KIAA1328: variants seen among roughly 807,000 people sequenced by gnomAD.
KIAA1328 encodes protein hinderin.
KIAA1328 carries 52 observed loss-of-function variants against 68.1 expected under a neutral mutation model. The observed-to-expected ratio is 0.76, with a 90% CI of 0.61 to 0.96. The LOEUF (loss-of-function observed/expected upper bound fraction) is 0.96. Ranked by LOEUF, KIAA1328 falls within the 40% of genes least tolerant of loss-of-function variation. KIAA1328 has a pLI of 0.00. For missense variants in KIAA1328, 641 were observed against 677.6 expected, an observed-to-expected ratio of 0.95 and a Z score of 0.60; for synonymous variants, 232 against 239.4, an observed-to-expected ratio of 0.97 and a Z score of 0.28.
intron 5 of KIAA1328, among the ~76,000 whole-genome samples, chr18:36,937,540 G>A (rs1169784635): frequency 1.3e-5 from 2 of 152,112 alleles, no homozygotes; most frequent in African/African-American, 4.8e-5. Flanking sequence ...CAAAAAGTGG[G>A]CAAAGGATAT....
chr18:36,972,356 G>A (rs2052259582), intron 6 of KIAA1328, among the ~76,000 whole-genome samples: 1 of 152,114 alleles, frequency 6.6e-6, no homozygotes, highest in South Asian at 2.1e-4. Context: ...TTCTTTAGGT[G>A]CAGTGTTTTT....
At chr18:37,142,529 A>C (rs1568459784) in intron 7 of KIAA1328, among the ~76,000 whole-genome samples, 1 of 152,058 alleles carries the variant, frequency 6.6e-6, no homozygotes, top group Non-Finnish European at 1.5e-5. Context: ...CTGTTTCTCC[A>C]GCACTATTTG....
At chr18:36,861,140 T>C (rs1467995238) in intron 4 of KIAA1328, among the ~76,000 whole-genome samples, 1 of 152,224 alleles carries the variant, frequency 6.6e-6, no homozygotes, top group East Asian at 1.9e-4. Flanking sequence ...AGTCTCCTCC[T>C]GTTTGTGGCA....
At chr18:37,192,145 TTGTG>T (rs10667132) in intron 9 of KIAA1328, among the ~76,000 whole-genome samples, 73 of 144,736 alleles carry the variant, frequency 5.0e-4, no homozygotes, top group East Asian at 1.8e-3. Flanking sequence ...AGTCAAGAAA[TTGTG>T]TGTGTGTGTG....
intron 5 of KIAA1328, among the ~76,000 whole-genome samples, chr18:36,910,380 T>C (rs2049392896): frequency 6.6e-6 from 1 of 152,198 alleles, no homozygotes; most frequent in Admixed American, 6.5e-5. Context: ...AAATAGGGAA[T>C]CCTTTCCCCA....
intron 7 of KIAA1328, among the ~76,000 whole-genome samples, chr18:37,130,398 T>TC (rs1010619067): frequency 1.3e-5 from 2 of 152,180 alleles, no homozygotes; most frequent in African/African-American, 4.8e-5. Context: ...GGCAGGCAGA[T>TC]CACGCGATCA....
chr18:36,866,592 TATATC>T (rs2047760946), intron 4 of KIAA1328, among the ~76,000 whole-genome samples: 1 of 152,244 alleles, frequency 6.6e-6, no homozygotes, highest in Non-Finnish European at 1.5e-5. Context: ...TTTTCCCAAT[TATATC>T]ATATAAAATA....
intron 7 of KIAA1328, among the ~76,000 whole-genome samples, chr18:37,093,074 A>G (rs2057309967): frequency 6.6e-6 from 1 of 152,184 alleles, no homozygotes; most frequent in Admixed American, 6.5e-5. Flanking sequence ...TGAAGACTAC[A>G]CTACTGCACT....
intron 6 of KIAA1328, 43 bp from the exon 7 acceptor site, chr18:37,066,847 T>G: frequency 6.8e-7 from 1 of 1,473,520 alleles, no homozygotes; most frequent in Non-Finnish European, 9.0e-7. Flanking sequence ...GAACTTGTTT[T>G]GTTGTGTTCT....
chr18:37,118,193 C>G (rs567188563), intron 7 of KIAA1328, among the ~76,000 whole-genome samples: 1 of 152,096 alleles, frequency 6.6e-6, no homozygotes, highest in South Asian at 2.1e-4. Context: ...TGACGTTTTG[C>G]TATGTTGCCT....
At chr18:36,888,929 A>G (rs1191068694) in intron 5 of KIAA1328, among the ~76,000 whole-genome samples, 1 of 152,108 alleles carries the variant, frequency 6.6e-6, no homozygotes, top group Non-Finnish European at 1.5e-5. Context: ...ATTAATTCTG[A>G]TTTTTGGCAT....
chr18:37,194,729 C>T (rs916096123), intron 9 of KIAA1328, among the ~76,000 whole-genome samples: 5 of 152,072 alleles, frequency 3.3e-5, no homozygotes, highest in Non-Finnish European at 7.4e-5. Flanking sequence ...GGCGGGATCT[C>T]GGCTCACTGC....
intron 6 of KIAA1328, among the ~76,000 whole-genome samples, chr18:36,966,202 C>T (rs1270602658): frequency 6.6e-6 from 1 of 152,120 alleles, no homozygotes; most frequent in African/African-American, 2.4e-5. Flanking sequence ...AATATAAAGG[C>T]ATTTCCACAT....
chr18:37,045,387 G>C (rs189075340), intron 6 of KIAA1328, among the ~76,000 whole-genome samples: 149 of 151,790 alleles, frequency 9.8e-4, no homozygotes, highest in African/African-American at 3.5e-3. Context: ...AGGTCTTTCT[G>C]TATAAATAGT....
chr18:36,911,427 GTGTT>G (rs1399249657), intron 5 of KIAA1328, among the ~76,000 whole-genome samples: 5 of 152,116 alleles, frequency 3.3e-5, no homozygotes, highest in Non-Finnish European at 7.4e-5. Context: ...ATACTAATGA[GTGTT>G]TAAATAAAAA....
At chr18:36,995,324 A>T (rs1160947529) in intron 6 of KIAA1328, among the ~76,000 whole-genome samples, 1 of 152,158 alleles carries the variant, frequency 6.6e-6, no homozygotes, top group Non-Finnish European at 1.5e-5. Context: ...TCCATGGAGT[A>T]TATGTGCCAC....
intron 6 of KIAA1328, among the ~76,000 whole-genome samples, chr18:37,024,419 G>A (rs1432245752): frequency 6.6e-6 from 1 of 151,012 alleles, no homozygotes; most frequent in Non-Finnish European, 1.5e-5. Context: ...GGGCACACGT[G>A]CACAATGTGC....
At chr18:36,837,174 C>T (rs2150775791) in intron 3 of KIAA1328, among the ~76,000 whole-genome samples, 1 of 152,184 alleles carries the variant, frequency 6.6e-6, no homozygotes, top group East Asian at 1.9e-4. Context: ...AAATTCCAAA[C>T]TGTTTTTTAA....
chr18:36,913,355 CAAA>C (rs66519428), intron 5 of KIAA1328, among the ~76,000 whole-genome samples: 55 of 110,998 alleles, frequency 5.0e-4, no homozygotes, highest in South Asian at 1.1e-3. Flanking sequence ...CTTGTCTCTA[CAAA>C]AAAAAAAAAA....
Sources: gnomAD v4.1 joint callset for allele counts (sites outside exome capture counted in the v4.1 genomes callset) on GRCh38, gnomAD v4.1.1 for gene constraint, MANE v1.5 for transcripts, NCBI Gene and HGNC (gene_info 2026-07-23, HGNC 2026-07-21) for gene names.